COCH: variants seen among roughly 807,000 people sequenced by gnomAD.
COCH encodes the protein cochlin, also known as coagulation factor C homolog, cochlin (Limulus polyphemus).
In COCH, 40 loss-of-function variants were observed where a neutral mutation model predicts 54.8. The ratio of observed to expected loss-of-function variants is 0.73; its 90% CI spans 0.57 to 0.95. The LOEUF is 0.95. Among genes scored for constraint, COCH ranks in the 40% least tolerant of loss-of-function variants. The pLI is 0.00. For missense variants in COCH, 605 were observed against 675.0 expected, an observed-to-expected ratio of 0.90 and a Z score of 1.15; for synonymous variants, 256 against 237.9, an observed-to-expected ratio of 1.08 and a Z score of -0.70.
rs906797766 is a variant in COCH at position 30,879,375 on chromosome 14, T to G, written c.374-48T>G. The G allele has an allele frequency of 3.2e-6, 5 of 1,568,400 alleles. No homozygotes were observed. In the African/African-American group the frequency reaches 5.4e-5, roughly 17 times the overall value. ...GCTCTAAATTAGATTCATAATACTT[T>G]GGTAAAGAAGGAAAAGGAAAAAAAT... is the stretch of plus-strand genomic sequence containing the variant. On this transcript the variant is annotated intron_variant, in intron 5 of 11. Coordinates refer to ENST00000396618, the MANE Select transcript of COCH (RefSeq NM_004086.3).
chr14:30,878,930 C>T lies in COCH; in HGVS notation c.359C>T (p.Ser120Phe). 6.2e-7 allele frequency: 1 copy of T among 1,614,148 alleles called. No individual in the cohort carries two copies. The highest frequency in any genetic ancestry group is 2.2e-5 in the East Asian group (1 of 44,878). ...QSQMLSRWSA[S>F]FTVTKGKSST... ...CAAATGCTTTCTAGATGGTCTGCTT[C>T]TTTCACAGTAACTAGTAGGTATAAT... The change falls in exon 5 of 12, where the codon TCT (serine) becomes TTT (phenylalanine). Residue 120 changes from serine to phenylalanine, a missense_variant. Transcript: ENST00000396618.
downstream of COCH, among the ~76,000 whole-genome samples, chr14:30,892,054 A>C (rs1895994137): frequency 6.6e-6 from 1 of 152,230 alleles, no homozygotes; most frequent in Non-Finnish European, 1.5e-5. Context: ...TGAGAGGCAG[A>C]ATATGATTAA....
At position 30,884,668 on chromosome 14, in the gene COCH, T is replaced by G. The variant is rs1160208936; in HGVS notation, c.733+12T>G. On this transcript the variant is annotated intron_variant, in intron 9 of 11. Coordinates refer to ENST00000396618, the MANE Select transcript of COCH (RefSeq NM_004086.3). Reference sequence around the variant, plus strand: ...TAATTCCAATACAGGTAAGTAGACTTTGATACCTGGGATGTAACATAGGAG... The same window carrying G: ...TAATTCCAATACAGGTAAGTAGACTGTGATACCTGGGATGTAACATAGGAG... 1 of 1,558,260 alleles carries G rather than the reference T, an allele frequency of 6.4e-7. No individual in the cohort carries two copies. Among genetic ancestry groups the G allele is most frequent in the South Asian group, 1.1e-5 (1 of 89,928 alleles).
At chr14:30,882,212 C>A (rs1208934533) in intron 8 of COCH, among the ~76,000 whole-genome samples, 4 of 134,956 alleles carry the variant, frequency 3.0e-5, no homozygotes, top group African/African-American at 1.1e-4. Context: ...TCACTACAAC[C>A]TCTGCCTCCT....
downstream of COCH, among the ~76,000 whole-genome samples, chr14:30,892,762 G>A (rs898672570): frequency 1.3e-5 from 2 of 151,340 alleles, no homozygotes; most frequent in South Asian, 2.1e-4. Flanking sequence ...TGCCGAGATC[G>A]CACCATTGCA....
Position 30,878,897 on chromosome 14 carries a change from T to C in COCH, c.326T>C (p.Ile109Thr), listed in dbSNP as rs121908930. The part of the protein sequence containing the change: ...ENYSSVDANG[I>T]QSQMLSRWSA... ...TATTCCTCAGTAGATGCCAATGGCATCCAGTCTCAAATGCTTTCTAGATGG... is the reference window on the plus strand; with the variant it reads ...TATTCCTCAGTAGATGCCAATGGCACCCAGTCTCAAATGCTTTCTAGATGG... Residue 109 changes from isoleucine (I) to threonine (T), a missense_variant, in exon 5 of 12, where the codon ATC (isoleucine) becomes ACC (threonine). Ile to Thr is a moderately conservative substitution (Grantham distance 89, BLOSUM62 -1). Coordinates refer to ENST00000396618, the MANE Select transcript of COCH (RefSeq NM_004086.3). 1 of 1,614,184 alleles carries C rather than the reference T, an allele frequency of 6.2e-7. No homozygotes were observed. Among genetic ancestry groups the C allele is most frequent in the East Asian group, 2.2e-5 (1 of 44,878 alleles).
chr14:30,878,674 G>A, intron 4 of COCH, 137 bp from the exon 5 acceptor site: 1 of 1,247,164 alleles, frequency 8.0e-7, no homozygotes, highest in Non-Finnish European at 1.1e-6. Context: ...AATAAATAAA[G>A]CAGAATCTTT....
At position 30,886,355 on chromosome 14, in the gene COCH, G is replaced by C. The variant is rs775494934; in HGVS notation, c.1477+43G>C. 4 of 1,605,336 alleles carry C rather than the reference G, an allele frequency of 2.5e-6. No individual in the cohort carries two copies. The South Asian group carries it at 3.3e-5, about 13-fold the overall frequency. On this transcript the variant is annotated intron_variant, in intron 11 of 11. Transcript: ENST00000396618. The stretch of plus-strand genomic sequence containing the variant: ...TATAGGAGAAGGGAACAGAAAAAAC[G>C]GTTCAGTGAATTTAGGAGTAAATAA...
rs150529026 is a variant in COCH, at chr14:30,886,035, G to A, written c.1200G>A (p.Ser400=). ...VSNIAKTFEI[S]DIGAKIAAVQ... ...ACATAGCCAAGACTTTTGAAATCTC[G>A]GACATTGGTGCCAAGATAGCTGCTG... The change falls in exon 11 of 12, where the codon TCG becomes TCA. Residue 400 remains serine (S), a synonymous_variant. Transcript: ENST00000396618. 46 of 1,614,170 alleles carry A rather than the reference G, an allele frequency of 2.8e-5. No homozygotes were observed. The highest frequency in any genetic ancestry group is 2.3e-4 in the African/African-American group (17 of 75,040).
At chr14:30,886,390 C>A in intron 11 of COCH, 78 bp downstream of exon 11, 2 of 1,454,598 alleles carry the variant, frequency 1.4e-6, no homozygotes, top group Non-Finnish European at 1.9e-6. Context: ...AAAATTTAAG[C>A]ATTTATTTCA....
downstream of COCH, chr14:30,894,817 A>T: frequency 2.6e-6 from 1 of 380,780 alleles, no homozygotes; most frequent in Non-Finnish European, 4.3e-6. Context: ...ATATAAAAAG[A>T]CTTATAAAAA....
chr14:30,885,409 A>G lies in COCH; in HGVS notation c.749A>G (p.His250Arg), dbSNP rs774715234. The change falls in exon 10 of 12, where the codon CAT (histidine) becomes CGT (arginine). Residue 250 changes from histidine to arginine, a missense_variant. Coordinates refer to ENST00000396618, the MANE Select transcript of COCH (RefSeq NM_004086.3). ...TCAAATTTAGGAAAAGCCTTGAAGC[A>G]TACTGCTCAGAAATTCTTCACGGTA... ...GNSNTGKALK[H>R]TAQKFFTVDA... is the part of the protein sequence containing the mutation. 1 of 1,613,926 alleles carries G rather than the reference A, an allele frequency of 6.2e-7. No homozygotes were observed. Among genetic ancestry groups the G allele is most frequent in the Admixed American group, 1.7e-5 (1 of 60,032 alleles).
intron 8 of COCH, 115 bp downstream of exon 8, chr14:30,880,849 G>C: frequency 1.3e-6 from 1 of 792,410 alleles, no homozygotes; most frequent in Non-Finnish European, 2.1e-6. Context: ...ACAATGTATA[G>C]TGGTCAAATC....
At chr14:30,874,825 G>A in intron 1 of COCH, 91 bp from the exon 2 acceptor site, 1 of 1,263,580 alleles carries the variant, frequency 7.9e-7, no homozygotes. Context: ...TCTGCGCCGC[G>A]CCCGGGGATC....
chr14:30,875,673 C>T (rs961313412), intron 3 of COCH: 3 of 208,242 alleles, frequency 1.4e-5, no homozygotes, highest in Non-Finnish European at 2.8e-5. Context: ...TGTAGAGGTC[C>T]GGGTATGGGT....
chr14:30,877,145 C>G lies in COCH; in HGVS notation c.83-427C>G, dbSNP rs1277622651. Reference sequence around the variant, plus strand: ...TATTTCTATAATTAATATTAAATGACTTTTATTTTCTAGTTCAGATATAGT... The same window carrying G: ...TATTTCTATAATTAATATTAAATGAGTTTTATTTTCTAGTTCAGATATAGT... On this transcript the variant is annotated intron_variant, in intron 3 of 11. Transcript: ENST00000396618. This position sits in a 1 kb window ranked among gnomAD's most constrained non-coding sequence, Gnocchi z 8.6. Among the ~76,000 whole-genome samples, 9 of 151,960 alleles carry G rather than the reference C, an allele frequency of 5.9e-5. No individual in the cohort carries two copies. The highest frequency in any genetic ancestry group is 2.1e-4 in the South Asian group (1 of 4,808).
At chr14:30,889,310 C>T (rs957896063) in intron 11 of COCH, 7 of 324,038 alleles carry the variant, frequency 2.2e-5, no homozygotes, top group Non-Finnish European at 4.1e-5. Context: ...TCTTCTATTC[C>T]TAGTTTATAG....
At chr14:30,874,869 G>T in intron 1 of COCH, 47 bp from the exon 2 acceptor site, 2 of 1,570,742 alleles carry the variant, frequency 1.3e-6, no homozygotes, top group South Asian at 1.1e-5. Flanking sequence ...GGTGACGCGC[G>T]GGGCCTCCCG....
At chr14:30,875,127 T>A in intron 3 of COCH, 24 bp downstream of exon 3, 1 of 1,550,694 alleles carries the variant, frequency 6.4e-7, no homozygotes, top group Non-Finnish European at 8.7e-7. Flanking sequence ...CTGGGGTGCG[T>A]CCAGGCGGTC....
Sources: allele counts gnomAD v4.1 joint callset (sites outside exome capture counted in the v4.1 genomes callset), GRCh38; gene constraint gnomAD v4.1.1; non-coding constraint Gnocchi (gnomAD v3.1); transcripts MANE v1.5; gene names NCBI Gene and HGNC (gene_info 2026-07-23, HGNC 2026-07-21).